EFTUD2: variants seen among roughly 807,000 people sequenced by gnomAD.
The protein encoded by EFTUD2 is elongation factor Tu GTP binding domain containing 2, also known as 116 kDa U5 small nuclear ribonucleoprotein component.
A neutral mutation model predicts 114.3 loss-of-function variants in EFTUD2; 9 were observed. The observed-to-expected ratio is 0.08, with a 90% CI of 0.05 to 0.14. EFTUD2 has a LOEUF of 0.14. Among genes scored for constraint, EFTUD2 ranks in the 10% least tolerant of loss-of-function variants. The pLI is 1.00. For missense variants in EFTUD2, 765 were observed against 1,241.2 expected, an observed-to-expected ratio of 0.62 and a Z score of 5.76; for synonymous variants, 449 against 462.3, an observed-to-expected ratio of 0.97 and a Z score of 0.37.
rs1293271218 is a variant in EFTUD2, at chr17:44,859,899, G to C, written c.1860+6C>G. ...GCTTGGCGGCTGCTGCAGGCCATGGGCATACCTTGGTGGTGAGGGATGGAT... is the reference window on the plus strand; with the variant it reads ...GCTTGGCGGCTGCTGCAGGCCATGGCCATACCTTGGTGGTGAGGGATGGAT... On this transcript the variant is annotated splice_donor_region_variant and intron_variant, in intron 18 of 27. Transcript: ENST00000426333. The C allele has an allele frequency of 2.5e-6, 4 of 1,614,064 alleles. No individual in the cohort carries two copies. Among genetic ancestry groups the C allele is most frequent in the Non-Finnish European group, 2.5e-6 (3 of 1,180,024 alleles).
Position 44,854,692 on chromosome 17 carries a change from G to A in EFTUD2, c.2133-10C>T. 2.5e-6 allele frequency: 4 copies of A among 1,611,384 alleles called. No individual in the cohort carries two copies. The highest frequency in any genetic ancestry group is 3.4e-6 in the Non-Finnish European group (4 of 1,178,254). ...CTCTCCCAGCTTCTTCCTGGGGAAG[G>A]GAGGAGACAATGGAGCTGTCAGCCA... On this transcript the variant is annotated splice_polypyrimidine_tract_variant and intron_variant, in intron 21 of 27. Coordinates refer to ENST00000426333, the MANE Select transcript of EFTUD2 (RefSeq NM_004247.4). The surrounding 1 kb of genome is among the most constrained non-coding windows in gnomAD (Gnocchi z 4.3).
chr17:44,891,118 A>T (rs958556903), intron 2 of EFTUD2, among the ~76,000 whole-genome samples: 1 of 152,198 alleles, frequency 6.6e-6, no homozygotes, highest in Non-Finnish European at 1.5e-5. Context: ...ACTCATCATG[A>T]TGCTGAGTGG....
chr17:44,864,593 G>A (rs867978664), intron 14 of EFTUD2, among the ~76,000 whole-genome samples: 16 of 152,138 alleles, frequency 1.1e-4, no homozygotes, highest in South Asian at 2.1e-4. Flanking sequence ...CTAGCCTAGT[G>A]CTTTTTGCAC....
chr17:44,859,534 A>G, intron 18 of EFTUD2: 1 of 500,580 alleles, frequency 2.0e-6, no homozygotes, highest in Non-Finnish European at 3.6e-6. Flanking sequence ...TACAAGGATC[A>G]GAGTAACAAC....
chr17:44,851,521 T>A (rs1360920032), intron 27 of EFTUD2, 152 bp from the exon 28 acceptor site: 7 of 882,350 alleles, frequency 7.9e-6, no homozygotes, highest in Non-Finnish European at 1.2e-5. Context: ...TACTATCACA[T>A]GGGAGGATAA....
At chr17:44,890,169 AATTTTTGT>A (rs71136054) in intron 2 of EFTUD2, among the ~76,000 whole-genome samples, 38,911 of 150,110 alleles carry the variant, frequency 0.26, 5,130 homozygotes, top group Non-Finnish European at 0.28. Flanking sequence ...ACGCCCAGCT[AATTTTTGT>A]ATTTTTGTAT....
At chr17:44,875,398 C>T (rs924106604) in intron 10 of EFTUD2, among the ~76,000 whole-genome samples, 20 of 151,852 alleles carry the variant, frequency 1.3e-4, no homozygotes, top group Non-Finnish European at 1.8e-4. Flanking sequence ...GGCGTGGTGA[C>T]GGGTGCCTGT....
Position 44,862,742 on chromosome 17 carries a change from G to C in EFTUD2, c.1578C>G (p.Thr526=). The change falls in exon 16 of 28, where the codon ACC becomes ACG. Residue 526 remains threonine (T), a synonymous_variant. Transcript: ENST00000426333. ...LEDEEDSQIC[T]VGRLWISVAR... is the part of the protein sequence containing the mutation. ...CCACAGAGATCCAAAGGCGGCCCAC[G>C]GTGCATATCTGGGAGTCTTCCTCAT... 2 of 1,613,868 alleles carry C rather than the reference G, an allele frequency of 1.2e-6. No homozygotes were observed. Among genetic ancestry groups the C allele is most frequent in the Non-Finnish European group, 1.7e-6 (2 of 1,179,878 alleles).
chr17:44,875,334 A>T (rs1307289334), intron 10 of EFTUD2, among the ~76,000 whole-genome samples: 1 of 152,076 alleles, frequency 6.6e-6, no homozygotes, highest in East Asian at 1.9e-4. Flanking sequence ...GTCAAGACCA[A>T]CCTGGCTAAC....
chr17:44,897,737 G>T (rs1450534167), intron 1 of EFTUD2, among the ~76,000 whole-genome samples: 1 of 152,060 alleles, frequency 6.6e-6, no homozygotes, highest in Non-Finnish European at 1.5e-5. Context: ...GCTAATTTTT[G>T]TATTTTTAGT....
intron 19 of EFTUD2, among the ~76,000 whole-genome samples, chr17:44,858,728 C>T (rs1056403940): frequency 6.6e-6 from 1 of 152,172 alleles, no homozygotes; most frequent in Non-Finnish European, 1.5e-5. Flanking sequence ...CAGCAACGGA[C>T]CACCATGCCC....
intron 3 of EFTUD2, among the ~76,000 whole-genome samples, chr17:44,885,569 G>C (rs1419768847): frequency 6.6e-6 from 1 of 152,120 alleles, no homozygotes; most frequent in Non-Finnish European, 1.5e-5. Flanking sequence ...GACAGTGGGA[G>C]GGAGGGAGGG....
intron 12 of EFTUD2, 99 bp from the exon 13 acceptor site, chr17:44,867,996 G>A: frequency 1.7e-6 from 2 of 1,187,584 alleles, no homozygotes; most frequent in Non-Finnish European, 2.3e-6. Flanking sequence ...AACAGCCCAG[G>A]GGAGGAATGT....
intron 10 of EFTUD2, 54 bp downstream of exon 10, chr17:44,875,880 G>A: frequency 6.3e-7 from 1 of 1,588,756 alleles, no homozygotes; most frequent in Non-Finnish European, 8.6e-7. Context: ...AGGTATTCAG[G>A]GTTAAAACCC....
intron 19 of EFTUD2, among the ~76,000 whole-genome samples, chr17:44,857,953 G>A (rs9898671): frequency 0.15 from 18,971 of 129,860 alleles, 1,349 homozygotes; most frequent in Middle Eastern, 0.22. Flanking sequence ...ACAGAGTCTC[G>A]CCCTATCACC....
intron 10 of EFTUD2, 25 bp from the exon 11 acceptor site, chr17:44,872,595 C>A (rs773429645): frequency 1.9e-6 from 3 of 1,581,484 alleles, no homozygotes; most frequent in Non-Finnish European, 2.6e-6. Flanking sequence ...GTGGTGAACA[C>A]AGTGCCAGGC....
intron 20 of EFTUD2, among the ~76,000 whole-genome samples, 161 bp downstream of exon 20, chr17:44,856,914 T>TGA (rs2050566973): frequency 6.6e-6 from 1 of 152,142 alleles, no homozygotes; most frequent in Non-Finnish European, 1.5e-5. Context: ...GCAGAAGGGC[T>TGA]GAGAGGGCTG....
rs758375004 is a variant in EFTUD2, at chr17:44,851,939, T to C, written c.2716-122A>G. Reference sequence around the variant, plus strand: ...ATTACTTATTATTATTTTTTTGAGATGGAGTTTCGCTCTTGTCTCCCAGGC... The same window carrying C: ...ATTACTTATTATTATTTTTTTGAGACGGAGTTTCGCTCTTGTCTCCCAGGC... On this transcript the variant is annotated intron_variant, in intron 26 of 27. Coordinates refer to ENST00000426333, the MANE Select transcript of EFTUD2 (RefSeq NM_004247.4). 173 of 920,512 alleles carry C rather than the reference T, an allele frequency of 1.9e-4. 2 individuals carry two copies. In the Middle Eastern group the frequency reaches 6.3e-3, roughly 34 times the overall value. 57.0% of individuals were successfully genotyped at this position (920,512 alleles called of 1,614,324 possible).
chr17:44,872,620 C>A (rs375278469), intron 10 of EFTUD2, 50 bp from the exon 11 acceptor site: 1 of 1,536,502 alleles, frequency 6.5e-7, no homozygotes, highest in South Asian at 1.2e-5. Flanking sequence ...GCAGCCCGGA[C>A]GCACTGCCAA....
Sources: allele counts gnomAD v4.1 joint callset (sites outside exome capture counted in the v4.1 genomes callset), GRCh38; gene constraint gnomAD v4.1.1; non-coding constraint Gnocchi (gnomAD v3.1); transcripts MANE v1.5; gene names NCBI Gene and HGNC (gene_info 2026-07-23, HGNC 2026-07-21).